The following DNER variants were observed in gnomAD, a reference collection of about 807,000 sequenced individuals.
DNER encodes the protein delta/notch like EGF repeat containing, also known as delta and Notch-like epidermal growth factor-related receptor.
DNER carries 33 observed loss-of-function variants against 78.2 expected under a neutral mutation model. The ratio of observed to expected loss-of-function variants is 0.42; its 90% CI spans 0.32 to 0.56. The LOEUF (loss-of-function observed/expected upper bound fraction) is 0.56. Among genes scored for constraint, DNER ranks in the 20% least tolerant of loss-of-function variants. The probability of loss-of-function intolerance (pLI) is 0.11; values close to 1 mark genes in which losing one functional copy is unlikely to be tolerated. For missense variants in DNER, 918 were observed against 975.3 expected, an observed-to-expected ratio of 0.94 and a Z score of 0.78; for synonymous variants, 417 against 384.8, an observed-to-expected ratio of 1.08 and a Z score of -0.98.
chr2:229,632,517 A>T (rs1251555437), intron 1 of DNER, among the ~76,000 whole-genome samples: 2 of 152,208 alleles, frequency 1.3e-5, no homozygotes, highest in Non-Finnish European at 2.9e-5. Context: ...CAAAATCAAG[A>T]TGCAGATTTC....
chr2:229,699,447 ACTC>A (rs1388015675), intron 1 of DNER, among the ~76,000 whole-genome samples: 3 of 151,794 alleles, frequency 2.0e-5, no homozygotes, highest in Non-Finnish European at 4.4e-5. Flanking sequence ...CTCACTGCAA[ACTC>A]CTCCTCCTGG....
intron 1 of DNER, among the ~76,000 whole-genome samples, chr2:229,666,505 C>A (rs908898788): frequency 6.6e-6 from 1 of 152,160 alleles, no homozygotes; most frequent in Non-Finnish European, 1.5e-5. Flanking sequence ...AGCTTCACAG[C>A]AACCTAGGCA....
At chr2:229,635,332 C>T (rs1183681421) in intron 1 of DNER, among the ~76,000 whole-genome samples, 2 of 129,854 alleles carry the variant, frequency 1.5e-5, no homozygotes, top group African/African-American at 2.9e-5. Context: ...GACCACGGCC[C>T]TTTCTATGGA....
At chr2:229,597,976 G>A (rs905462322) in intron 1 of DNER, among the ~76,000 whole-genome samples, 1 of 152,198 alleles carries the variant, frequency 6.6e-6, no homozygotes. Flanking sequence ...GGCAGTAGCA[G>A]TGTGACCCTT....
intron 1 of DNER, among the ~76,000 whole-genome samples, chr2:229,628,386 A>G (rs970498084): frequency 2.0e-5 from 3 of 152,212 alleles, no homozygotes; most frequent in Non-Finnish European, 2.9e-5. Flanking sequence ...TGTGAGCAAA[A>G]TAAAATGGCA....
At chr2:229,406,154 C>G (rs1441210259) in intron 10 of DNER, among the ~76,000 whole-genome samples, 1 of 152,222 alleles carries the variant, frequency 6.6e-6, no homozygotes. Flanking sequence ...GGCTTAGGGA[C>G]CAAGGCTCTG....
intron 7 of DNER, among the ~76,000 whole-genome samples, chr2:229,468,118 T>C (rs897429135): frequency 6.6e-6 from 1 of 152,222 alleles, no homozygotes; most frequent in Non-Finnish European, 1.5e-5. Flanking sequence ...AAATCAGACC[T>C]AACCAACTCC....
intron 1 of DNER, among the ~76,000 whole-genome samples, chr2:229,622,783 C>A (rs1698271824): frequency 6.6e-6 from 1 of 152,122 alleles, no homozygotes; most frequent in Non-Finnish European, 1.5e-5. Context: ...AGGGAGTGAT[C>A]CATCCATGAG....
At chr2:229,484,513 C>T (rs1695231385) in intron 6 of DNER, among the ~76,000 whole-genome samples, 1 of 152,192 alleles carries the variant, frequency 6.6e-6, no homozygotes, top group Admixed American at 6.5e-5. Flanking sequence ...GGCAAATCAA[C>T]AAGGCTGAAG....
At position 229,547,087 on chromosome 2, in the gene DNER, C is replaced by T; in HGVS notation, c.853G>A (p.Val285Met). ...ALGNNHFIGF[V>M]NDSVTKSIVA... ...ATAGACTTAGTCACAGAATCATTCA[C>T]AAAACCTAAAAGAAAATGAGGCAAA... is the stretch of plus-strand genomic sequence containing the variant. The change falls in exon 5 of 13, where the codon GTG (valine) becomes ATG (methionine). Residue 285 changes from valine to methionine, a missense_variant. Val to Met is a conservative substitution (Grantham distance 21). Coordinates refer to ENST00000341772, the MANE Select transcript of DNER (RefSeq NM_139072.4). 1 of 1,613,960 alleles carries T rather than the reference C, an allele frequency of 6.2e-7. No individual in the cohort carries two copies. The highest frequency in any genetic ancestry group is 8.5e-7 in the Non-Finnish European group (1 of 1,179,968).
chr2:229,387,528 AAAGAAAGAAAG>A (rs1692909506), intron 11 of DNER, among the ~76,000 whole-genome samples: 1 of 138,998 alleles, frequency 7.2e-6, no homozygotes, highest in African/African-American at 2.7e-5. Flanking sequence ...AGAAAGAAAG[AAAGAAAGAAAG>A]AAAGAAAGAA....
At position 229,487,595 on chromosome 2, in the gene DNER, G is replaced by A. The variant is rs548107969; in HGVS notation, c.1148-10342C>T. On this transcript the variant is annotated intron_variant, in intron 6 of 12. Transcript: ENST00000341772. ...TACACCATGAGACAGACAAGTTAGG[G>A]GATTGACTTAAACTACATAAAAATT... Among the ~76,000 whole-genome samples, 20 of 152,196 alleles carry A rather than the reference G, an allele frequency of 1.3e-4. No homozygotes were observed. The South Asian group carries it at 3.9e-3, about 30-fold the overall frequency.
chr2:229,648,741 G>A (rs116499184), intron 1 of DNER, among the ~76,000 whole-genome samples: 1,572 of 152,180 alleles, frequency 0.01, 28 homozygotes, highest in Middle Eastern at 0.031. Context: ...GATATTATAC[G>A]GTAAACTTCC....
intron 1 of DNER, among the ~76,000 whole-genome samples, chr2:229,628,347 G>A (rs1252798332): frequency 1.3e-5 from 2 of 152,148 alleles, no homozygotes; most frequent in East Asian, 3.8e-4. Context: ...CCTCAACAGA[G>A]CCCTTTCCGA....
At chr2:229,398,894 C>T (rs1037678341) in intron 10 of DNER, among the ~76,000 whole-genome samples, 7 of 151,792 alleles carry the variant, frequency 4.6e-5, no homozygotes, top group African/African-American at 1.5e-4. Flanking sequence ...TTAAAGTTAT[C>T]AGCAAACTAG....
At chr2:229,532,292 C>A (rs1696318207) in intron 5 of DNER, among the ~76,000 whole-genome samples, 1 of 152,108 alleles carries the variant, frequency 6.6e-6, no homozygotes, top group Admixed American at 6.6e-5. Context: ...CCTCCAAGAC[C>A]TTCATCTGTT....
intron 7 of DNER, among the ~76,000 whole-genome samples, chr2:229,460,050 G>A (rs1390635880): frequency 1.3e-5 from 2 of 150,468 alleles, no homozygotes; most frequent in Non-Finnish European, 2.9e-5. Flanking sequence ...CCAACTACTC[G>A]GGAGACTGAG....
intron 1 of DNER, among the ~76,000 whole-genome samples, chr2:229,653,985 A>C (rs1356862449): frequency 6.6e-6 from 1 of 152,038 alleles, no homozygotes; most frequent in Non-Finnish European, 1.5e-5. Context: ...TTATTATTAT[A>C]CTTTAAGTTC....
At chr2:229,407,179 A>G (rs1574829359) in intron 10 of DNER, 53 bp downstream of exon 10, 2 of 1,523,112 alleles carry the variant, frequency 1.3e-6, no homozygotes, top group East Asian at 4.6e-5. Flanking sequence ...TAACATCTGC[A>G]ATCTCGGGCA....
Sources: gnomAD v4.1 joint callset for allele counts (sites outside exome capture counted in the v4.1 genomes callset) on GRCh38, gnomAD v4.1.1 for gene constraint, MANE v1.5 for transcripts, NCBI Gene and HGNC (gene_info 2026-07-23, HGNC 2026-07-21) for gene names.